Variants in CDH18 observed in about 807,000 individuals in gnomAD.
CDH18 encodes cadherin-18.
A neutral mutation model predicts 67.9 loss-of-function variants in CDH18; 31 were observed. That is an observed-to-expected ratio of 0.46 (90% confidence interval 0.34 to 0.62). The LOEUF (loss-of-function observed/expected upper bound fraction) is 0.62, where lower values mean the gene tolerates loss of function less well. CDH18 is among the 20% of genes least tolerant of loss of function. The probability of loss-of-function intolerance (pLI) is 0.01; values close to 1 mark genes in which losing one functional copy is unlikely to be tolerated. For synonymous variants in CDH18, 362 were observed against 347.2 expected, an observed-to-expected ratio of 1.04 and a Z score of -0.48; for missense variants, 890 against 975.5, an observed-to-expected ratio of 0.91 and a Z score of 1.17.
chr5:20,080,783 T>C (rs1050715681), intron 2 of CDH18, among the ~76,000 whole-genome samples: 2 of 151,786 alleles, frequency 1.3e-5, no homozygotes, highest in African/African-American at 2.4e-5. Context: ...TGAAGAAAAA[T>C]AGTTACTAGT....
At chr5:19,710,349 T>C (rs1764555315) in intron 5 of CDH18, among the ~76,000 whole-genome samples, 1 of 152,162 alleles carries the variant, frequency 6.6e-6, no homozygotes, top group Admixed American at 6.6e-5. Flanking sequence ...TATTGTCTTC[T>C]ATGTGTCACA....
chr5:20,137,319 C>T (rs1034694573), intron 2 of CDH18, among the ~76,000 whole-genome samples: 6 of 152,064 alleles, frequency 3.9e-5, no homozygotes. Context: ...CTTCTCACTT[C>T]ATTTCATTCA....
intron 11 of CDH18, among the ~76,000 whole-genome samples, chr5:19,492,235 T>C (rs1322524843): frequency 6.6e-6 from 1 of 152,134 alleles, no homozygotes; most frequent in Non-Finnish European, 1.5e-5. Context: ...GAGAATTAGG[T>C]TGGCAAATCT....
intron 2 of CDH18, among the ~76,000 whole-genome samples, chr5:20,041,663 T>G (rs1444417613): frequency 1.3e-5 from 2 of 151,784 alleles, no homozygotes; most frequent in African/African-American, 2.4e-5. Flanking sequence ...ATCTCGGTAC[T>G]TTTGTACTCT....
At chr5:19,576,098 T>C (rs1742269437) in intron 7 of CDH18, among the ~76,000 whole-genome samples, 1 of 151,936 alleles carries the variant, frequency 6.6e-6, no homozygotes, top group African/African-American at 2.4e-5. Flanking sequence ...AAGAATCAGC[T>C]CAAAATGGAT....
At chr5:19,608,087 A>G (rs1748352205) in intron 6 of CDH18, among the ~76,000 whole-genome samples, 8 of 151,826 alleles carry the variant, frequency 5.3e-5, no homozygotes, top group East Asian at 1.9e-4. Flanking sequence ...TCTCTCAATA[A>G]CAGACGAGCA....
chr5:20,163,199 C>T (rs1034491841), intron 2 of CDH18, among the ~76,000 whole-genome samples: 2 of 152,060 alleles, frequency 1.3e-5, no homozygotes, highest in African/African-American at 4.8e-5. Context: ...ATCACTTCAT[C>T]TTGTATATTT....
chr5:20,391,503 T>C (rs908293704), intron 1 of CDH18, among the ~76,000 whole-genome samples: 4 of 152,202 alleles, frequency 2.6e-5, no homozygotes, highest in East Asian at 3.9e-4. Context: ...CTATAATCAA[T>C]TATAATTATT....
At chr5:20,259,835 T>C (rs1376953686) in intron 1 of CDH18, among the ~76,000 whole-genome samples, 2 of 152,024 alleles carry the variant, frequency 1.3e-5, no homozygotes, top group African/African-American at 4.8e-5. Flanking sequence ...TTGTAGTTTA[T>C]AGTAAAATGT....
At chr5:19,529,925 T>G (rs1580028918) in intron 9 of CDH18, among the ~76,000 whole-genome samples, 1 of 152,156 alleles carries the variant, frequency 6.6e-6, no homozygotes, top group African/African-American at 2.4e-5. Context: ...TATTGTTGAA[T>G]AATTTGATAA....
chr5:19,795,082 C>T (rs545776141), intron 3 of CDH18, among the ~76,000 whole-genome samples: 4 of 152,002 alleles, frequency 2.6e-5, no homozygotes, highest in African/African-American at 4.8e-5. Flanking sequence ...AATGAGCTTA[C>T]CCATTTCAAA....
intron 2 of CDH18, among the ~76,000 whole-genome samples, chr5:19,883,853 T>C (rs1787919080): frequency 6.6e-6 from 1 of 152,128 alleles, no homozygotes; most frequent in Non-Finnish European, 1.5e-5. Flanking sequence ...AATATTAAAA[T>C]AATACTTTTG....
In CDH18 at chr5:19,491,739, T is replaced by TTATAAA. The variant is rs745950754; in HGVS notation, c.1631-8188_1631-8187insTTTATA. On this transcript the variant is annotated intron_variant, in intron 11 of 12. Transcript: ENST00000382275. ...GTTTTCCTGTTTCCTTTTAAGTGTT[T>TTATAAA]TGTTAAAAATTATAAAGCAACTTAT... Among the ~76,000 whole-genome samples, 341 of 152,272 alleles carry TTATAAA rather than the reference T, an allele frequency of 2.2e-3. 1 individual carries two copies. The highest frequency in any genetic ancestry group is 3.6e-3 in the Non-Finnish European group (247 of 68,002).
chr5:20,439,956 T>C (rs1749488525), intron 1 of CDH18, among the ~76,000 whole-genome samples: 1 of 151,996 alleles, frequency 6.6e-6, no homozygotes, highest in Non-Finnish European at 1.5e-5. Flanking sequence ...AGATACTCTA[T>C]CTATTAGTAT....
chr5:20,027,304 A>G (rs1321900124), intron 2 of CDH18, among the ~76,000 whole-genome samples: 2 of 152,254 alleles, frequency 1.3e-5, no homozygotes, highest in African/African-American at 4.8e-5. Flanking sequence ...TATATAATAC[A>G]GCATAAAGAA....
intron 2 of CDH18, among the ~76,000 whole-genome samples, chr5:19,859,989 G>GGGGTGTGTGTGTGTGT (rs143069229): frequency 0.011 from 1,533 of 143,206 alleles, 31 homozygotes; most frequent in African/African-American, 0.038. Flanking sequence ...GTTTGCTTTG[G>GGGGTGTGTGTGTGTGT]GTGTGTGTGT....
At chr5:20,279,372 AC>A in intron 1 of CDH18, among the ~76,000 whole-genome samples, 1 of 140,844 alleles carries the variant, frequency 7.1e-6, no homozygotes, top group South Asian at 2.1e-4. Context: ...ATATACACTC[AC>A]CCCACACTGG....
intron 2 of CDH18, among the ~76,000 whole-genome samples, chr5:20,123,079 T>A (rs1748502410): frequency 6.7e-6 from 1 of 149,390 alleles, no homozygotes. Context: ...TATATGATAT[T>A]TCCTATATAT....
intron 2 of CDH18, among the ~76,000 whole-genome samples, chr5:20,241,808 C>A (rs2973199): frequency 0.54 from 80,348 of 148,000 alleles, 21,938 homozygotes; most frequent in Middle Eastern, 0.66. Context: ...GCCAAGATTG[C>A]GCCACTGCAC....
Sources: gnomAD v4.1 joint callset for allele counts (sites outside exome capture counted in the v4.1 genomes callset) on GRCh38, gnomAD v4.1.1 for gene constraint, MANE v1.5 for transcripts, NCBI Gene and HGNC (gene_info 2026-07-23, HGNC 2026-07-21) for gene names.